Variants in ARHGEF33 observed in about 807,000 individuals in gnomAD.
ARHGEF33 encodes the protein Rho guanine nucleotide exchange factor 33.
A neutral mutation model predicts 101.9 loss-of-function variants in ARHGEF33; 72 were observed. The observed-to-expected ratio is 0.71, with a 90% confidence interval of 0.58 to 0.86. The LOEUF is 0.86. ARHGEF33 is among the 40% of genes least tolerant of loss of function. The pLI is 0.00. For missense variants in ARHGEF33, 1,169 were observed against 1,111.3 expected (o/e 1.05, Z -0.74); for synonymous variants, 499 against 442.5 (o/e 1.13, Z -1.60).
intron 16 of ARHGEF33, among the ~76,000 whole-genome samples, chr2:38,961,772 G>A (rs1361777175): frequency 1.3e-5 from 2 of 151,990 alleles, no homozygotes; most frequent in Non-Finnish European, 2.9e-5. Context: ...GAGCACATGG[G>A]AAGGATATTT....
At chr2:38,963,080 A>T (rs1667981565) in intron 16 of ARHGEF33, among the ~76,000 whole-genome samples, 1 of 150,922 alleles carries the variant, frequency 6.6e-6, no homozygotes, top group South Asian at 2.1e-4. Flanking sequence ...GGTAGCATGC[A>T]GAGTGCAGGT....
At chr2:38,914,681 A>C (rs1666594014) in intron 2 of ARHGEF33, among the ~76,000 whole-genome samples, 2 of 152,010 alleles carry the variant, frequency 1.3e-5, no homozygotes, top group Non-Finnish European at 2.9e-5. Flanking sequence ...AAAAAAAAAA[A>C]AAAGTAATTT....
At chr2:38,929,365 T>A (rs1572753449) in intron 5 of ARHGEF33, among the ~76,000 whole-genome samples, 1 of 151,574 alleles carries the variant, frequency 6.6e-6, no homozygotes, top group Non-Finnish European at 1.5e-5. Flanking sequence ...GAAGTGGAGG[T>A]TGTAGTGTGC....
chr2:38,929,908 C>G (rs1666957540), intron 6 of ARHGEF33, 78 bp downstream of exon 6: 1 of 1,316,250 alleles, frequency 7.6e-7, no homozygotes, highest in African/African-American at 1.5e-5. Flanking sequence ...ACACATTCCC[C>G]ACTATCAGTG....
At chr2:38,943,481 G>A (rs1371339912) in intron 9 of ARHGEF33, among the ~76,000 whole-genome samples, 1 of 152,120 alleles carries the variant, frequency 6.6e-6, no homozygotes, top group Non-Finnish European at 1.5e-5. Context: ...CAGAAACCAG[G>A]GCTTCTCTAG....
At position 38,966,071 on chromosome 2, in the gene ARHGEF33, T is replaced by C; in HGVS notation, c.2409T>C (p.Ser803=). The stretch of plus-strand genomic sequence containing the variant: ...AAGAAAGAGAAAGTGAACAAACATC[T>C]TTCAGCGATCAAAATCCCAGGCAAG... The part of the protein sequence containing the change: ...PKEERESEQT[S]FSDQNPRQDQ... Residue 803 remains serine (S), a synonymous_variant, in exon 17 of 18, where the codon TCT becomes TCC. Coordinates refer to ENST00000409978, the MANE Select transcript of ARHGEF33 (RefSeq NM_001145451.5). 1 of 1,551,714 alleles carries C rather than the reference T, an allele frequency of 6.4e-7. No individual in the cohort carries two copies. Among genetic ancestry groups the C allele is most frequent in the Non-Finnish European group, 8.7e-7 (1 of 1,146,982 alleles).
At chr2:38,954,770 A>T in intron 13 of ARHGEF33, among the ~76,000 whole-genome samples, 1 of 151,434 alleles carries the variant, frequency 6.6e-6, no homozygotes. Context: ...AGTAGCTGGG[A>T]CTACAGGCAT....
intron 10 of ARHGEF33, among the ~76,000 whole-genome samples, chr2:38,946,632 C>A (rs760418123): frequency 1.6e-4 from 25 of 151,884 alleles, no homozygotes; most frequent in Non-Finnish European, 3.2e-4. Flanking sequence ...TTATTTCTTT[C>A]TTTATTTTTT....
At chr2:38,890,398 T>C (rs1293790432) in intron 1 of ARHGEF33, among the ~76,000 whole-genome samples, 1 of 151,988 alleles carries the variant, frequency 6.6e-6, no homozygotes, top group Non-Finnish European at 1.5e-5. Flanking sequence ...TGGAGGGAGA[T>C]TGGTTTATTC....
At chr2:38,900,659 T>C (rs540223223) in intron 2 of ARHGEF33, among the ~76,000 whole-genome samples, 1 of 152,254 alleles carries the variant, frequency 6.6e-6, no homozygotes, top group African/African-American at 2.4e-5. Flanking sequence ...CCTTTCCAGA[T>C]TCTGATTAGA....
At chr2:38,954,605 C>G in intron 13 of ARHGEF33, 149 bp downstream of exon 13, 2 of 626,240 alleles carry the variant, frequency 3.2e-6, no homozygotes, top group Non-Finnish European at 2.8e-6. Flanking sequence ...CCTGATAACC[C>G]ATAATACCCT....
intron 7 of ARHGEF33, among the ~76,000 whole-genome samples, chr2:38,931,936 CAAT>C (rs1667013918): frequency 2.0e-5 from 3 of 152,252 alleles, no homozygotes; most frequent in Non-Finnish European, 4.4e-5. Context: ...AAGAAAGACT[CAAT>C]GATTTCTCAA....
chr2:38,939,017 G>T (rs1667229436), intron 9 of ARHGEF33, among the ~76,000 whole-genome samples: 1 of 152,036 alleles, frequency 6.6e-6, no homozygotes, highest in African/African-American at 2.4e-5. Context: ...CTTTCACTGA[G>T]GCTGGAGTGC....
intron 17 of ARHGEF33, among the ~76,000 whole-genome samples, chr2:38,972,317 G>T (rs1336608724): frequency 2.0e-5 from 3 of 152,192 alleles, no homozygotes; most frequent in Non-Finnish European, 4.4e-5. Flanking sequence ...TTTAGGGTGG[G>T]CCATGTGGAG....
At position 38,917,997 on chromosome 2, in the gene ARHGEF33, A is replaced by G. The variant is rs557347337; in HGVS notation, c.-85-1366A>G. On this transcript the variant is annotated intron_variant, in intron 2 of 17. Transcript: ENST00000409978. ...TCTTAATCTTGGATAGTGTTCATAT[A>G]TTTGTATTGTTTCAATCAGGTTTCT... Among the ~76,000 whole-genome samples, 4 of 152,104 alleles carry G rather than the reference A, an allele frequency of 2.6e-5. No homozygotes were observed. The South Asian group carries it at 6.2e-4, about 24-fold the overall frequency.
At chr2:38,911,492 G>A (rs1666508380) in intron 2 of ARHGEF33, among the ~76,000 whole-genome samples, 1 of 152,194 alleles carries the variant, frequency 6.6e-6, no homozygotes, top group Non-Finnish European at 1.5e-5. Context: ...GTAGTCTTAT[G>A]TGTGTATATG....
chr2:38,907,192 G>A (rs115168436), intron 2 of ARHGEF33, among the ~76,000 whole-genome samples: 193 of 152,226 alleles, frequency 1.3e-3, no homozygotes, highest in African/African-American at 4.4e-3. Context: ...AGGGACCATC[G>A]CTGACCCCTG....
chr2:38,948,408 C>G (rs1280580184), intron 10 of ARHGEF33, among the ~76,000 whole-genome samples: 1 of 152,228 alleles, frequency 6.6e-6, no homozygotes, highest in Non-Finnish European at 1.5e-5. Context: ...CAACCCCACC[C>G]TGAAATCTCA....
intron 2 of ARHGEF33, among the ~76,000 whole-genome samples, chr2:38,913,347 C>T (rs1481680037): frequency 6.6e-6 from 1 of 152,180 alleles, no homozygotes. Flanking sequence ...CATAGCTCTG[C>T]TCTATTATCT....
Sources: gnomAD v4.1 joint callset for allele counts (sites outside exome capture counted in the v4.1 genomes callset) on GRCh38, gnomAD v4.1.1 for gene constraint, MANE v1.5 for transcripts, NCBI Gene and HGNC (gene_info 2026-07-23, HGNC 2026-07-21) for gene names.